The following MARCHF1 variants were observed in gnomAD, a reference collection of about 807,000 sequenced individuals.
MARCHF1 encodes E3 ubiquitin-protein ligase MARCHF1.
Under a neutral mutation model 54.2 loss-of-function variants are expected in MARCHF1, and 40 were observed. That is an observed-to-expected ratio of 0.74 (90% CI 0.57 to 0.96). The LOEUF (loss-of-function observed/expected upper bound fraction) is 0.96. MARCHF1 is among the 40% of genes least tolerant of loss of function. The pLI is 0.00. For missense variants in MARCHF1, 586 were observed against 656.5 expected, an observed-to-expected ratio of 0.89 and a Z score of 1.17; for synonymous variants, 236 against 236.3, an observed-to-expected ratio of 1.00 and a Z score of 0.01.
intron 3 of MARCHF1, among the ~76,000 whole-genome samples, chr4:163,977,317 G>T (rs956216389): frequency 6.6e-6 from 1 of 152,196 alleles, no homozygotes; most frequent in South Asian, 2.1e-4. Context: ...CTGATCAGTA[G>T]CTACATTCAG....
rs34173667 is a variant in MARCHF1, at chr4:163,930,478, G to GTT, written c.-39+58021_-39+58022dup. Among the ~76,000 whole-genome samples, 680 of 134,482 alleles carry GTT rather than the reference G, an allele frequency of 5.1e-3. 5 individuals are homozygous for GTT. Among genetic ancestry groups the GTT allele is most frequent in the East Asian group, 0.032 (145 of 4,574 alleles). The allele number at this position is 134,482 out of a possible 152,430, so 88.2% of individuals were successfully genotyped here. The stretch of plus-strand genomic sequence containing the variant: ...TGTGGTTTGGGCCTTTGAAAATGGT[G>GTT]TTTTTTTTTTTTTTTTCTGGTGTGA... On this transcript the variant is annotated intron_variant, in intron 3 of 9. Coordinates refer to ENST00000514618, the MANE Select transcript of MARCHF1 (RefSeq NM_001394959.1).
chr4:164,197,338 T>C (rs1731302032), intron 1 of MARCHF1: 1 of 1,612,552 alleles, frequency 6.2e-7, no homozygotes, highest in Non-Finnish European at 8.5e-7. Flanking sequence ...TCCGTAGTCG[T>C]TCAGGTTGGT....
At chr4:164,052,641 C>T (rs147278461) in intron 2 of MARCHF1, among the ~76,000 whole-genome samples, 18 of 152,240 alleles carry the variant, frequency 1.2e-4, no homozygotes, top group South Asian at 4.1e-4. Context: ...CTGACACAGA[C>T]GTACTGTTTG....
intron 1 of MARCHF1, among the ~76,000 whole-genome samples, chr4:164,304,005 T>C (rs1734632403): frequency 6.6e-6 from 1 of 152,218 alleles, no homozygotes; most frequent in South Asian, 2.1e-4. Context: ...CTCTATGCAA[T>C]ACCTTCCAAA....
intron 5 of MARCHF1, among the ~76,000 whole-genome samples, chr4:163,618,143 A>T (rs142204717): frequency 6.6e-6 from 1 of 152,272 alleles, no homozygotes; most frequent in Non-Finnish European, 1.5e-5. Context: ...GGTCATATCA[A>T]ATATTCATTT....
At chr4:163,920,958 T>C (rs1036747002) in intron 3 of MARCHF1, among the ~76,000 whole-genome samples, 2 of 152,148 alleles carry the variant, frequency 1.3e-5, no homozygotes, top group African/African-American at 4.8e-5. Context: ...CCAAACTGGC[T>C]ACAATTCAGA....
intron 1 of MARCHF1, among the ~76,000 whole-genome samples, chr4:164,234,661 G>A (rs1732498641): frequency 6.6e-6 from 1 of 152,064 alleles, no homozygotes; most frequent in Admixed American, 6.6e-5. Context: ...GTTATGCCCT[G>A]TTATCAGAAC....
At chr4:163,932,650 C>T in intron 3 of MARCHF1, 1 of 464,094 alleles carries the variant, frequency 2.2e-6, no homozygotes. Flanking sequence ...AACCTGCTTT[C>T]CGTGGCCTAC....
intron 2 of MARCHF1, among the ~76,000 whole-genome samples, chr4:164,046,383 T>C (rs1185026064): frequency 1.3e-5 from 2 of 152,244 alleles, no homozygotes; most frequent in African/African-American, 4.8e-5. Context: ...TCATGAAGTA[T>C]TGTCTCCAAT....
chr4:164,221,958 T>C (rs573997275), intron 1 of MARCHF1, among the ~76,000 whole-genome samples: 38 of 144,414 alleles, frequency 2.6e-4, no homozygotes, highest in Admixed American at 5.0e-4. Context: ...TAACTGCCAG[T>C]ACCTAAAGAA....
chr4:163,528,378 C>T lies in MARCHF1; in HGVS notation c.*370G>A, dbSNP rs1048444981. 5.2e-5 allele frequency: 10 copies of T among 193,194 alleles called. No individual in the cohort carries two copies. Among genetic ancestry groups the T allele is most frequent in the Admixed American group, 3.3e-4 (6 of 18,254 alleles). 12.0% of individuals were successfully genotyped at this position (193,194 alleles called of 1,614,324 possible). Reference sequence around the variant, plus strand: ...ACAAGGCCCTAGAAGTAATACACATCGCAATTCAAGTCTGTATTCTTGAAC... The same window carrying T: ...ACAAGGCCCTAGAAGTAATACACATTGCAATTCAAGTCTGTATTCTTGAAC... On this transcript the variant is annotated 3_prime_UTR_variant, in exon 10 of 10. Coordinates refer to ENST00000514618, the MANE Select transcript of MARCHF1 (RefSeq NM_001394959.1).
At chr4:164,175,496 T>G (rs938396657) in intron 1 of MARCHF1, among the ~76,000 whole-genome samples, 1 of 152,240 alleles carries the variant, frequency 6.6e-6, no homozygotes, top group Non-Finnish European at 1.5e-5. Flanking sequence ...ATTCTATGTA[T>G]CAACTTGGCT....
intron 2 of MARCHF1, among the ~76,000 whole-genome samples, chr4:164,083,842 C>A (rs761899937): frequency 5.3e-5 from 8 of 152,020 alleles, no homozygotes; most frequent in Non-Finnish European, 1.2e-4. Flanking sequence ...AATATTATAC[C>A]TGATGGCATG....
intron 1 of MARCHF1, among the ~76,000 whole-genome samples, chr4:164,248,401 A>G (rs1048839856): frequency 6.6e-6 from 1 of 152,220 alleles, no homozygotes; most frequent in African/African-American, 2.4e-5. Flanking sequence ...AGTAAGGGCT[A>G]CAAGATTATT....
intron 4 of MARCHF1, among the ~76,000 whole-genome samples, chr4:163,737,214 A>ATTTTTTTTTTT (rs200485998): frequency 6.9e-5 from 3 of 43,584 alleles, no homozygotes; most frequent in Admixed American, 2.7e-4. Flanking sequence ...ATTTTTTTTA[A>ATTTTTTTTTTT]TTTTTTTTTT....
intron 9 of MARCHF1, among the ~76,000 whole-genome samples, chr4:163,544,069 G>A (rs771970998): frequency 1.4e-4 from 21 of 152,168 alleles, no homozygotes; most frequent in African/African-American, 3.4e-4. Context: ...TGGGTGAAGC[G>A]AGGTGGGGAT....
intron 1 of MARCHF1, among the ~76,000 whole-genome samples, chr4:164,287,828 G>A (rs1734189689): frequency 6.6e-6 from 1 of 152,024 alleles, no homozygotes; most frequent in Admixed American, 6.6e-5. Flanking sequence ...CTTTAGAATA[G>A]CTAATGCTTG....
At chr4:164,143,764 C>T (rs1162024898) in intron 1 of MARCHF1, among the ~76,000 whole-genome samples, 3 of 152,146 alleles carry the variant, frequency 2.0e-5, no homozygotes, top group African/African-American at 7.2e-5. Flanking sequence ...ACTGCATCAA[C>T]TAATGAGCAA....
intron 1 of MARCHF1, among the ~76,000 whole-genome samples, chr4:164,149,302 C>G (rs748895676): frequency 1.3e-5 from 2 of 152,134 alleles, no homozygotes; most frequent in African/African-American, 4.8e-5. Flanking sequence ...AATGGACTAA[C>G]TCAGATATAT....
Sources: gnomAD v4.1 joint callset for allele counts (sites outside exome capture counted in the v4.1 genomes callset) on GRCh38, gnomAD v4.1.1 for gene constraint, MANE v1.5 for transcripts, NCBI Gene and HGNC (gene_info 2026-07-23, HGNC 2026-07-21) for gene names.